Variants in EFCAB11 observed in about 807,000 individuals in gnomAD.
EFCAB11 encodes EF-hand calcium-binding domain-containing protein 11.
A neutral mutation model predicts 23.0 loss-of-function variants in EFCAB11; 14 were observed. The ratio of observed to expected loss-of-function variants is 0.61; its 90% CI spans 0.40 to 0.95. The LOEUF is 0.95. Ranked by LOEUF, EFCAB11 falls within the 40% of genes least tolerant of loss-of-function variation. The pLI is 0.00. For synonymous variants in EFCAB11, 65 were observed against 66.6 expected, an observed-to-expected ratio of 0.98 and a Z score of 0.11; for missense variants, 198 against 195.8, an observed-to-expected ratio of 1.01 and a Z score of -0.07.
intron 5 of EFCAB11, among the ~76,000 whole-genome samples, chr14:89,803,226 A>T (rs569625253): frequency 3.3e-5 from 5 of 152,324 alleles, no homozygotes; most frequent in African/African-American, 9.6e-5. Flanking sequence ...ACTTACTAAT[A>T]TAATTGCTTT....
At chr14:89,803,077 T>A (rs747418587) in intron 5 of EFCAB11, among the ~76,000 whole-genome samples, 2 of 152,026 alleles carry the variant, frequency 1.3e-5, no homozygotes, top group East Asian at 3.9e-4. Context: ...CCACCCCTCA[T>A]GCCCAATCGT....
At chr14:89,951,414 T>C (rs972717828) in intron 2 of EFCAB11, among the ~76,000 whole-genome samples, 3 of 152,218 alleles carry the variant, frequency 2.0e-5, no homozygotes, top group Non-Finnish European at 4.4e-5. Context: ...CAGACTGTTA[T>C]AGTTACCACT....
chr14:89,931,245 C>T (rs1890378164), intron 5 of EFCAB11: 3 of 312,992 alleles, frequency 9.6e-6, no homozygotes, highest in South Asian at 1.5e-4. Flanking sequence ...TTGGTTCACA[C>T]GTAAGTATCT....
chr14:89,923,774 T>C, intron 5 of EFCAB11: 1 of 985,350 alleles, frequency 1.0e-6, no homozygotes, highest in Non-Finnish European at 1.2e-6. Context: ...AAGCACAAAA[T>C]AATGACTGGA....
chr14:89,825,102 C>CAAAAA (rs35074143), intron 5 of EFCAB11, among the ~76,000 whole-genome samples: 1 of 60,236 alleles, frequency 1.7e-5, no homozygotes, highest in Non-Finnish European at 3.5e-5. Context: ...ATGCTGGGAC[C>CAAAAA]AAAAAAAAAA....
chr14:89,824,476 G>A (rs535352991), intron 5 of EFCAB11, among the ~76,000 whole-genome samples: 9 of 152,074 alleles, frequency 5.9e-5, no homozygotes, highest in African/African-American at 2.2e-4. Flanking sequence ...GGGGATAGAG[G>A]AAAACAAATG....
intron 5 of EFCAB11, among the ~76,000 whole-genome samples, chr14:89,917,734 G>A (rs78457582): frequency 0.034 from 5,180 of 152,254 alleles, 214 homozygotes; most frequent in East Asian, 0.19. Context: ...CTAGGGGCTT[G>A]GTTCTGTGAC....
intron 5 of EFCAB11, among the ~76,000 whole-genome samples, chr14:89,871,817 G>A (rs993588542): frequency 6.6e-6 from 1 of 152,128 alleles, no homozygotes; most frequent in Non-Finnish European, 1.5e-5. Context: ...CTAATGTACT[G>A]ACATCGTACA....
In EFCAB11 at chr14:89,932,625, T is replaced by C. The variant is rs140582216; in HGVS notation, c.220A>G (p.Ile74Val). 7 of 1,607,914 alleles carry C rather than the reference T, an allele frequency of 4.4e-6. No individual in the cohort carries two copies. In the African/African-American group the frequency reaches 8.0e-5, roughly 18 times the overall value. ...MSSINPNTSG[I>V]LLEGFLNIVR... ...ATATTTAAAAACCCCTCGAGTAATATACCTAAAAGTTGGGGAAAAAACAAT... is the reference window on the plus strand; with the variant it reads ...ATATTTAAAAACCCCTCGAGTAATACACCTAAAAGTTGGGGAAAAAACAAT... Residue 74 changes from isoleucine (I) to valine (V), a missense_variant and splice_region_variant, in exon 4 of 6, where the codon ATA becomes GTA. Ile to Val is a conservative substitution (Grantham distance 29, BLOSUM62 3). Coordinates refer to ENST00000316738, the MANE Select transcript of EFCAB11 (RefSeq NM_145231.4).
intron 5 of EFCAB11, chr14:89,924,103 C>G (rs540879335): frequency 2.0e-6 from 2 of 985,576 alleles, no homozygotes; most frequent in Non-Finnish European, 2.4e-6. Flanking sequence ...TTTACAATTG[C>G]ATTCCTAAGA....
At chr14:89,797,922 G>C (rs1026449010) in intron 5 of EFCAB11, among the ~76,000 whole-genome samples, 1 of 152,028 alleles carries the variant, frequency 6.6e-6, no homozygotes, top group Non-Finnish European at 1.5e-5. Flanking sequence ...GACAGAGCAA[G>C]ACTCCATCTC....
At chr14:89,876,613 T>C (rs557824268) in intron 5 of EFCAB11, among the ~76,000 whole-genome samples, 3 of 152,252 alleles carry the variant, frequency 2.0e-5, no homozygotes, top group East Asian at 3.9e-4. Context: ...AAGGGTTCAG[T>C]TGGGGTCACA....
At chr14:89,954,064 A>G in intron 1 of EFCAB11, 63 bp from the exon 2 acceptor site, 1 of 1,437,680 alleles carries the variant, frequency 7.0e-7, no homozygotes, top group Middle Eastern at 1.8e-4. Flanking sequence ...TTACTAGTTT[A>G]TTATACAGTT....
At chr14:89,817,377 A>C (rs914818363) in intron 5 of EFCAB11, among the ~76,000 whole-genome samples, 2 of 152,020 alleles carry the variant, frequency 1.3e-5, no homozygotes, top group Non-Finnish European at 1.5e-5. Flanking sequence ...AAAAATAAAA[A>C]AATTAGCTAG....
intron 5 of EFCAB11, among the ~76,000 whole-genome samples, chr14:89,805,287 T>G (rs974655876): frequency 6.6e-6 from 1 of 152,214 alleles, no homozygotes; most frequent in Non-Finnish European, 1.5e-5. Context: ...GGGAGCTCAC[T>G]GGCCTTAACC....
chr14:89,893,517 T>G (rs774238162), intron 5 of EFCAB11, among the ~76,000 whole-genome samples: 16 of 152,050 alleles, frequency 1.1e-4, no homozygotes, highest in Non-Finnish European at 1.5e-4. Flanking sequence ...TGCCCCACTC[T>G]CTGGGAAAGG....
At chr14:89,847,329 AT>A (rs1282971130) in intron 5 of EFCAB11, among the ~76,000 whole-genome samples, 3 of 152,100 alleles carry the variant, frequency 2.0e-5, no homozygotes, top group Admixed American at 6.5e-5. Flanking sequence ...GATTCTATAG[AT>A]TCCTCCAGTA....
In EFCAB11 at chr14:89,948,247, T is replaced by G. The variant is rs1235712494; in HGVS notation, c.217+1850A>C. ...GGCATATGTGAAAAGGTACTCAATATCATTGATCAGAGAAATGCCATCAAA... is the reference window on the plus strand; with the variant it reads ...GGCATATGTGAAAAGGTACTCAATAGCATTGATCAGAGAAATGCCATCAAA... On this transcript the variant is annotated intron_variant, in intron 3 of 5. Coordinates refer to ENST00000316738, the MANE Select transcript of EFCAB11 (RefSeq NM_145231.4). 2.0e-5 allele frequency among the ~76,000 whole-genome samples: 3 copies of G among 152,302 alleles called. No individual in the cohort carries two copies. In the East Asian group the frequency reaches 5.8e-4, roughly 29 times the overall value.
intron 5 of EFCAB11, among the ~76,000 whole-genome samples, chr14:89,801,595 A>T (rs1015699805): frequency 6.6e-6 from 1 of 152,236 alleles, no homozygotes; most frequent in Non-Finnish European, 1.5e-5. Context: ...ACCTCAGATG[A>T]CACAGGATAC....
Sources: gnomAD v4.1 joint callset for allele counts (sites outside exome capture counted in the v4.1 genomes callset) on GRCh38, gnomAD v4.1.1 for gene constraint, MANE v1.5 for transcripts, NCBI Gene and HGNC (gene_info 2026-07-23, HGNC 2026-07-21) for gene names.